LPP: variants seen among roughly 807,000 people sequenced by gnomAD.
The protein encoded by LPP is LIM domain containing preferred translocation partner in lipoma.
LPP carries 38 observed loss-of-function variants against 60.4 expected under a neutral mutation model. The observed-to-expected ratio is 0.63, with a 90% CI of 0.49 to 0.83. LPP has a LOEUF of 0.83. Among genes scored for constraint, LPP ranks in the 40% least tolerant of loss-of-function variants. LPP has a pLI of 0.00. For missense variants in LPP, 902 were observed against 783.6 expected (o/e 1.15, Z -1.80); for synonymous variants, 328 against 290.8 (o/e 1.13, Z -1.30).
rs185535828 is a variant in LPP, at chr3:188,586,964, C to T, written c.430-22197C>T. On this transcript the variant is annotated intron_variant, in intron 6 of 11. Transcript: ENST00000617246. ...CAGGCTGGTCTTGAACACCTGACCT[C>T]GTGATCCTCCCACCTCTGCCTCCCA... is the stretch of plus-strand genomic sequence containing the variant. Among the ~76,000 whole-genome samples, 11 of 152,122 alleles carry T rather than the reference C, an allele frequency of 7.2e-5. No homozygotes were observed. In the East Asian group the frequency reaches 1.4e-3, roughly 19 times the overall value.
chr3:188,610,183 C>T lies in LPP; in HGVS notation c.1113+339C>T, dbSNP rs1280332238. Among the ~76,000 whole-genome samples, 1 of 152,200 alleles carries T rather than the reference C, an allele frequency of 6.6e-6. No homozygotes were observed. Among genetic ancestry groups the T allele is most frequent in the Non-Finnish European group, 1.5e-5 (1 of 68,036 alleles). On this transcript the variant is annotated intron_variant, in intron 7 of 11. Transcript: ENST00000617246. This position sits in a 1 kb window ranked among gnomAD's most constrained non-coding sequence, Gnocchi z 4.4. ...TCCTTCCCTATATTGGTTAAAGCTTCCCTCTGTTGTGCAGAAACTTCCTCT... is the reference window on the plus strand; with the variant it reads ...TCCTTCCCTATATTGGTTAAAGCTTTCCTCTGTTGTGCAGAAACTTCCTCT...
intron 8 of LPP, among the ~76,000 whole-genome samples, chr3:188,724,927 TCATCAGTCAA>T (rs1032172488): frequency 6.6e-6 from 1 of 152,210 alleles, no homozygotes; most frequent in African/African-American, 2.4e-5. Context: ...TGTTGACATG[TCATCAGTCAA>T]AAGAGTTCAG....
chr3:188,524,973 T>C (rs1179690896), intron 6 of LPP, among the ~76,000 whole-genome samples, 186 bp downstream of exon 6: 6 of 144,914 alleles, frequency 4.1e-5, no homozygotes, highest in Non-Finnish European at 7.6e-5. Flanking sequence ...TTCTTTCTCT[T>C]TTTTTTTTTT....
chr3:188,796,695 G>C (rs1029516030), intron 9 of LPP, among the ~76,000 whole-genome samples: 1 of 152,126 alleles, frequency 6.6e-6, no homozygotes, highest in African/African-American at 2.4e-5. Flanking sequence ...AGCCCAGTCT[G>C]CATTTTCTAC....
intron 2 of LPP, among the ~76,000 whole-genome samples, chr3:188,295,985 T>C (rs73061528): frequency 0.028 from 4,282 of 152,272 alleles, 192 homozygotes; most frequent in African/African-American, 0.095. Flanking sequence ...AGTCTTTAAG[T>C]TTCCCTACAC....
chr3:188,382,727 C>CT (rs1215903827), intron 3 of LPP, among the ~76,000 whole-genome samples: 1 of 152,148 alleles, frequency 6.6e-6, no homozygotes, highest in Non-Finnish European at 1.5e-5. Flanking sequence ...CGTTTCTTCA[C>CT]TTTTTTGTTG....
At chr3:188,244,116 C>G (rs551436830) in intron 2 of LPP, among the ~76,000 whole-genome samples, 31 of 152,308 alleles carry the variant, frequency 2.0e-4, no homozygotes, top group African/African-American at 7.5e-4. Context: ...AGATATCTGC[C>G]TGCCTCGGCC....
chr3:188,605,755 A>G (rs1290848517), intron 6 of LPP, among the ~76,000 whole-genome samples: 4 of 152,070 alleles, frequency 2.6e-5, no homozygotes, highest in Non-Finnish European at 5.9e-5. Context: ...GAAGCATTTT[A>G]TTTTTCGTAA....
At chr3:188,585,596 G>T (rs1295515849) in intron 6 of LPP, among the ~76,000 whole-genome samples, 3 of 152,202 alleles carry the variant, frequency 2.0e-5, no homozygotes, top group Non-Finnish European at 2.9e-5. Flanking sequence ...TAGTCCTAAA[G>T]CTTAGACATA....
At chr3:188,437,292 T>C (rs558092084) in intron 4 of LPP, among the ~76,000 whole-genome samples, 30 of 152,208 alleles carry the variant, frequency 2.0e-4, no homozygotes, top group Non-Finnish European at 3.7e-4. Context: ...TTGAATGATA[T>C]GCTAAGTAAT....
chr3:188,868,972 G>T (rs572552169), intron 10 of LPP, among the ~76,000 whole-genome samples: 1 of 152,196 alleles, frequency 6.6e-6, no homozygotes, highest in African/African-American at 2.4e-5. Context: ...GGGAGAAAGG[G>T]CTGAACTCCA....
chr3:188,463,992 C>A (rs1242071035), intron 4 of LPP, among the ~76,000 whole-genome samples: 1 of 152,128 alleles, frequency 6.6e-6, no homozygotes, highest in Non-Finnish European at 1.5e-5. Context: ...CACAGTCTTT[C>A]ATTTGTAAGT....
At chr3:188,219,701 A>G (rs947557532) in intron 1 of LPP, among the ~76,000 whole-genome samples, 21 of 152,192 alleles carry the variant, frequency 1.4e-4, no homozygotes, top group African/African-American at 4.3e-4. Context: ...ATGGACACCA[A>G]CATCGGTCCA....
intron 3 of LPP, among the ~76,000 whole-genome samples, chr3:188,342,153 G>A (rs1203512372): frequency 6.6e-6 from 1 of 152,078 alleles, no homozygotes; most frequent in Non-Finnish European, 1.5e-5. Flanking sequence ...GCTCTGAAGG[G>A]GCCAAATATT....
chr3:188,309,949 C>G (rs1752855975), intron 2 of LPP, among the ~76,000 whole-genome samples: 3 of 152,026 alleles, frequency 2.0e-5, no homozygotes, highest in African/African-American at 7.2e-5. Flanking sequence ...ACTTTTGTTT[C>G]ATTATTAATA....
At chr3:188,636,646 T>C (rs1848851726) in intron 7 of LPP, among the ~76,000 whole-genome samples, 1 of 152,104 alleles carries the variant, frequency 6.6e-6, no homozygotes, top group East Asian at 1.9e-4. Context: ...CTCTGCAGAC[T>C]TAAATGTCCC....
chr3:188,866,057 G>T (rs954146281), intron 9 of LPP, 143 bp from the exon 10 acceptor site: 3 of 520,668 alleles, frequency 5.8e-6, no homozygotes, highest in Non-Finnish European at 9.5e-6. Flanking sequence ...TAAAGCTGTA[G>T]ATGTGGTTTG....
intron 7 of LPP, among the ~76,000 whole-genome samples, chr3:188,662,740 T>A (rs1854867828): frequency 6.6e-6 from 1 of 152,236 alleles, no homozygotes; most frequent in African/African-American, 2.4e-5. Context: ...GATATGTGAA[T>A]CAGCATATTG....
chr3:188,511,324 C>T (rs1159474587), intron 5 of LPP, among the ~76,000 whole-genome samples: 1 of 126,492 alleles, frequency 7.9e-6, no homozygotes, highest in Admixed American at 8.1e-5. Flanking sequence ...TCCCCTCTCT[C>T]CCTCCCTCCC....
Sources: gnomAD v4.1 joint callset for allele counts (sites outside exome capture counted in the v4.1 genomes callset) on GRCh38, gnomAD v4.1.1 for gene constraint, Gnocchi (gnomAD v3.1) non-coding constraint, MANE v1.5 for transcripts, NCBI Gene and HGNC (gene_info 2026-07-23, HGNC 2026-07-21) for gene names.